Variants in PRKG1 observed in about 807,000 individuals in gnomAD.
The protein encoded by PRKG1 is cGMP-dependent protein kinase 1.
A neutral mutation model predicts 88.1 loss-of-function variants in PRKG1; 35 were observed. The observed-to-expected ratio is 0.40, with a 90% confidence interval of 0.30 to 0.53. PRKG1 has a LOEUF of 0.53. Ranked by LOEUF, PRKG1 falls within the 20% of genes least tolerant of loss-of-function variation. PRKG1 has a pLI of 0.59. For synonymous variants in PRKG1, 303 were observed against 292.5 expected, an observed-to-expected ratio of 1.04 and a Z score of -0.37; for missense variants, 540 against 839.8, an observed-to-expected ratio of 0.64 and a Z score of 4.41.
intron 2 of PRKG1, among the ~76,000 whole-genome samples, chr10:51,251,610 A>AATGGTC (rs67011771): frequency 6.6e-6 from 1 of 151,736 alleles, no homozygotes; most frequent in East Asian, 1.9e-4. Flanking sequence ...ACAGAAAAAA[A>AATGGTC]ATGGTCATTT....
chr10:51,249,185 A>C (rs1839367777), intron 2 of PRKG1, among the ~76,000 whole-genome samples: 1 of 151,852 alleles, frequency 6.6e-6, no homozygotes, highest in Non-Finnish European at 1.5e-5. Context: ...AACTAGGGGC[A>C]AAAAAATTTT....
chr10:52,017,813 C>A (rs974188389), intron 5 of PRKG1, among the ~76,000 whole-genome samples: 6 of 152,110 alleles, frequency 3.9e-5, no homozygotes, highest in African/African-American at 1.4e-4. Context: ...TTTCAGGAAA[C>A]TTTACAAGAC....
chr10:52,118,761 A>G (rs1847747798), intron 7 of PRKG1, among the ~76,000 whole-genome samples: 1 of 152,014 alleles, frequency 6.6e-6, no homozygotes. Flanking sequence ...AAATTATACC[A>G]TGGTAGATGC....
chr10:52,159,155 T>G (rs1303518425), intron 8 of PRKG1, among the ~76,000 whole-genome samples: 1 of 151,568 alleles, frequency 6.6e-6, no homozygotes, highest in East Asian at 1.9e-4. Flanking sequence ...CAGTTTTAAT[T>G]TTTTTATAAT....
At chr10:51,132,197 T>C (rs973118517) in intron 1 of PRKG1, among the ~76,000 whole-genome samples, 1 of 152,166 alleles carries the variant, frequency 6.6e-6, no homozygotes. Context: ...CCATCACTTA[T>C]CCTGATTTAC....
chr10:51,225,316 T>G (rs1838663191), intron 2 of PRKG1, among the ~76,000 whole-genome samples: 1 of 152,176 alleles, frequency 6.6e-6, no homozygotes, highest in Non-Finnish European at 1.5e-5. Flanking sequence ...ACTTATGAAC[T>G]AATTACCTCC....
intron 3 of PRKG1, among the ~76,000 whole-genome samples, chr10:51,781,833 T>C (rs181864654): frequency 2.2e-4 from 34 of 152,206 alleles, no homozygotes; most frequent in Admixed American, 1.7e-3. Context: ...ATCAAGTAAA[T>C]AGTTATATGT....
At chr10:52,232,814 T>A (rs1410717105) in intron 9 of PRKG1, among the ~76,000 whole-genome samples, 1 of 152,194 alleles carries the variant, frequency 6.6e-6, no homozygotes, top group Non-Finnish European at 1.5e-5. Flanking sequence ...AGGACAAGTT[T>A]CTAAGGCTTC....
chr10:51,785,229 G>A (rs1427570698), intron 3 of PRKG1, among the ~76,000 whole-genome samples: 1 of 151,612 alleles, frequency 6.6e-6, no homozygotes, highest in African/African-American at 2.4e-5. Context: ...TGCATGAAAT[G>A]TGAAGGGAAG....
chr10:52,284,712 G>A (rs1235515227), intron 14 of PRKG1, among the ~76,000 whole-genome samples: 2 of 152,040 alleles, frequency 1.3e-5, no homozygotes, highest in South Asian at 4.1e-4. Context: ...GCTGGACCTT[G>A]AAAAAGCAAA....
At chr10:52,231,647 C>T (rs1190811494) in intron 9 of PRKG1, among the ~76,000 whole-genome samples, 1 of 152,118 alleles carries the variant, frequency 6.6e-6, no homozygotes, top group Non-Finnish European at 1.5e-5. Flanking sequence ...TGAACAAATA[C>T]TCTAGACTGT....
intron 3 of PRKG1, among the ~76,000 whole-genome samples, chr10:51,801,760 G>T (rs377684519): frequency 6.6e-6 from 1 of 152,154 alleles, no homozygotes; most frequent in African/African-American, 2.4e-5. Context: ...AAGGCCAACT[G>T]TTTCATGCAT....
At chr10:52,073,122 CT>C (rs1846542865) in intron 7 of PRKG1, among the ~76,000 whole-genome samples, 1 of 152,152 alleles carries the variant, frequency 6.6e-6, no homozygotes, top group South Asian at 2.1e-4. Flanking sequence ...AGCTACATCA[CT>C]TTAGTTTCTG....
At chr10:51,786,001 C>T (rs1369459955) in intron 3 of PRKG1, among the ~76,000 whole-genome samples, 1 of 152,100 alleles carries the variant, frequency 6.6e-6, no homozygotes, top group Non-Finnish European at 1.5e-5. Flanking sequence ...GAGTTTGCTG[C>T]ATCTTTGAAG....
At chr10:52,066,319 A>G (rs900563065) in intron 7 of PRKG1, among the ~76,000 whole-genome samples, 8 of 152,200 alleles carry the variant, frequency 5.3e-5, no homozygotes, top group Non-Finnish European at 1.0e-4. Context: ...ACTGTATTTC[A>G]TAAACCTTGG....
At chr10:51,974,831 T>C (rs995436849) in intron 5 of PRKG1, among the ~76,000 whole-genome samples, 3 of 152,118 alleles carry the variant, frequency 2.0e-5, no homozygotes, top group African/African-American at 7.2e-5. Flanking sequence ...TTCTAAAAGA[T>C]AATAAGGCCC....
intron 8 of PRKG1, among the ~76,000 whole-genome samples, chr10:52,159,282 A>G (rs1045352376): frequency 6.6e-6 from 1 of 151,540 alleles, no homozygotes; most frequent in South Asian, 2.1e-4. Flanking sequence ...TTGTCTAGTC[A>G]TAAGAAATAT....
intron 1 of PRKG1, among the ~76,000 whole-genome samples, chr10:51,050,822 T>G (rs1399276001): frequency 1.3e-5 from 2 of 152,144 alleles, no homozygotes; most frequent in African/African-American, 4.8e-5. Context: ...TCTTGTTATC[T>G]ATTTTTTAAT....
chr10:51,987,139 C>G (rs1398725810), intron 5 of PRKG1, among the ~76,000 whole-genome samples: 1 of 151,792 alleles, frequency 6.6e-6, no homozygotes, highest in Non-Finnish European at 1.5e-5. Context: ...CTATTAGAAG[C>G]ATCATATTAA....
Sources: allele counts gnomAD v4.1 joint callset (sites outside exome capture counted in the v4.1 genomes callset), GRCh38; gene constraint gnomAD v4.1.1; transcripts MANE v1.5; gene names NCBI Gene and HGNC (gene_info 2026-07-23, HGNC 2026-07-21).